Variants in ATP6V0A2 observed in about 807,000 individuals in gnomAD.
ATP6V0A2 encodes V-type proton ATPase 116 kDa subunit a 2.
In ATP6V0A2, 58 loss-of-function variants were observed where a neutral mutation model predicts 104.4. That is an observed-to-expected ratio of 0.56 (90% CI 0.45 to 0.69). The LOEUF is 0.69. ATP6V0A2 is among the 30% of genes least tolerant of loss of function. The pLI is 0.00. For synonymous variants in ATP6V0A2, 376 were observed against 397.9 expected, an observed-to-expected ratio of 0.95 and a Z score of 0.65; for missense variants, 938 against 1,062.9, an observed-to-expected ratio of 0.88 and a Z score of 1.63.
intron 2 of ATP6V0A2, among the ~76,000 whole-genome samples, chr12:123,720,472 G>A (rs1956388738): frequency 6.6e-6 from 1 of 152,228 alleles, no homozygotes; most frequent in Non-Finnish European, 1.5e-5. Context: ...CAAGGTGGGA[G>A]GATCACTTGA....
chr12:123,714,447 G>A (rs1956320965), intron 1 of ATP6V0A2, among the ~76,000 whole-genome samples: 1 of 152,188 alleles, frequency 6.6e-6, no homozygotes, highest in African/African-American at 2.4e-5. Context: ...AGGGGGGCAG[G>A]TGGTGACTTC....
rs868004152 is a variant in ATP6V0A2, at chr12:123,748,621, C to G, written c.1771C>G (p.Leu591Val). 6.2e-7 allele frequency: 1 copy of G among 1,614,136 alleles called. No homozygotes were observed. The change falls in exon 15 of 20, where the codon CTT becomes GTT. Residue 591 changes from leucine to valine, a missense_variant. Leu to Val is a conservative substitution (Grantham distance 32). Coordinates refer to ENST00000330342, the MANE Select transcript of ATP6V0A2 (RefSeq NM_012463.4). ...CATTTACCTGGTTTCCATCCCGGAA[C>G]TTCTCTTCATGCTCTGTATCTTTGG... ...FNIYLVSIPE[L>V]LFMLCIFGYL...
In ATP6V0A2 at chr12:123,751,239, G is replaced by T. The variant is rs756851792; in HGVS notation, c.2055+10G>T. ...CTTCGGGGTGAACCGGGTAAGTGCG[G>T]GTTTGGATGCATTTACAACTGTGAG... On this transcript the variant is annotated intron_variant, in intron 16 of 19. Coordinates refer to ENST00000330342, the MANE Select transcript of ATP6V0A2 (RefSeq NM_012463.4). 2 of 1,614,134 alleles carry T rather than the reference G, an allele frequency of 1.2e-6. No homozygotes were observed. Among genetic ancestry groups the T allele is most frequent in the South Asian group, 2.2e-5 (2 of 91,084 alleles).
chr12:123,732,777 C>T (rs1172247159), intron 6 of ATP6V0A2: 1 of 129,512 alleles, frequency 7.7e-6, no homozygotes, highest in Non-Finnish European at 1.6e-5. Context: ...GTCTCCTCAT[C>T]CTGCGTCTGT....
chr12:123,751,379 G>T (rs750062818), intron 16 of ATP6V0A2, 150 bp downstream of exon 16: 5 of 1,283,918 alleles, frequency 3.9e-6, no homozygotes, highest in Non-Finnish European at 5.5e-6. Flanking sequence ...TGTTGGCTGG[G>T]TGTGGTGGCT....
chr12:123,743,664 A>C lies in ATP6V0A2; in HGVS notation c.1039-121A>C, dbSNP rs890427570. On this transcript the variant is annotated intron_variant, in intron 9 of 19. Transcript: ENST00000330342. ...GTGAAACTCCGTCTCAAAAAAAAAC[A>C]AAACAAAACAACACCACCAAAAAAA... 45 of 1,198,868 alleles carry C rather than the reference A, an allele frequency of 3.8e-5. No homozygotes were observed. In the African/African-American group the frequency reaches 6.3e-4, roughly 17 times the overall value. 74.3% of individuals were successfully genotyped at this position (1,198,868 alleles called of 1,614,324 possible). A position where few individuals can be genotyped will look rare whatever the true frequency, so the allele number is the denominator to read the frequency against.
intron 3 of ATP6V0A2, among the ~76,000 whole-genome samples, 176 bp downstream of exon 3, chr12:123,722,624 TC>T (rs1314610905): frequency 6.6e-6 from 1 of 152,216 alleles, no homozygotes; most frequent in East Asian, 1.9e-4. Context: ...TAATAGATTA[TC>T]TGTGTTAAAT....
chr12:123,712,528 C>T lies in ATP6V0A2; in HGVS notation c.-38C>T. On this transcript the variant is annotated 5_prime_UTR_variant, in exon 1 of 20. Transcript: ENST00000330342. ...GGGCCCGCGCGGCTCGGAGCCGCCG[C>T]CGCCCATCGAGCCCCTCCGGGCGCG... The T allele has an allele frequency of 2.7e-6, 4 of 1,492,710 alleles. No individual in the cohort carries two copies. The East Asian group carries it at 7.6e-5, about 28-fold the overall frequency. The allele number at this position is 1,492,710 out of a possible 1,614,324, so 92.5% of individuals were successfully genotyped here.
At chr12:123,727,221 T>C (rs1956455967) in intron 5 of ATP6V0A2, among the ~76,000 whole-genome samples, 1 of 152,116 alleles carries the variant, frequency 6.6e-6, no homozygotes, top group Admixed American at 6.6e-5. Flanking sequence ...GTTCTTAAGA[T>C]ACGGGGTTCA....
chr12:123,735,391 AG>A, intron 7 of ATP6V0A2, 139 bp from the exon 8 acceptor site: 1 of 747,802 alleles, frequency 1.3e-6, no homozygotes, highest in South Asian at 1.4e-5. Context: ...AGCCCGACCA[AG>A]GGCAGATGAC....
In ATP6V0A2 at chr12:123,744,296, G is replaced by A. The variant is rs1388974969; in HGVS notation, c.1285G>A (p.Val429Met). ...GATGTTTTTATTTGCCCTCTTGTTG[G>A]TGTTAAATGAAAATCATCCCAGACT... is the stretch of plus-strand genomic sequence containing the variant. ...FVMFLFALLL[V>M]LNENHPRLNQ... The change falls in exon 11 of 20, where the codon GTG (valine) becomes ATG (methionine). Residue 429 changes from valine (V) to methionine (M), a missense_variant. Coordinates refer to ENST00000330342, the MANE Select transcript of ATP6V0A2 (RefSeq NM_012463.4). The surrounding 1 kb of genome is among the most constrained non-coding windows in gnomAD (Gnocchi z 5.4). 6.2e-7 allele frequency: 1 copy of A among 1,613,986 alleles called. No homozygotes were observed. Among genetic ancestry groups the A allele is most frequent in the Admixed American group, 1.7e-5 (1 of 59,994 alleles).
chr12:123,726,305 G>A lies in ATP6V0A2; in HGVS notation c.521+20G>A. The stretch of plus-strand genomic sequence containing the variant: ...ACTGGGGTAGGTGACAAGGCCTGGG[G>A]TGTCAGGCTTCATACTGCCCTTCTT... On this transcript the variant is annotated intron_variant, in intron 5 of 19. Transcript: ENST00000330342. 7 of 1,579,458 alleles carry A rather than the reference G, an allele frequency of 4.4e-6. No homozygotes were observed. Among genetic ancestry groups the A allele is most frequent in the Non-Finnish European group, 6.1e-6 (7 of 1,148,504 alleles).
chr12:123,761,244 C>T lies in ATP6V0A2; in HGVS notation c.*3212C>T, dbSNP rs1426396081. On this transcript the variant is annotated 3_prime_UTR_variant, in exon 20 of 20. Transcript: ENST00000330342. ...TTAATAAGGCACAGAATACCTGTAG[C>T]ATAGGTCAGCCTTACGATGTCCATG... 1.3e-5 allele frequency: 2 copies of T among 152,334 alleles called. No individual in the cohort carries two copies. The highest frequency in any genetic ancestry group is 2.4e-5 in the African/African-American group (1 of 41,568). The allele number at this position is 152,334 out of a possible 1,614,324, so 9.4% of individuals were successfully genotyped here.
At position 123,744,292 on chromosome 12, in the gene ATP6V0A2, G is replaced by A. The variant is rs1284470006; in HGVS notation, c.1281G>A (p.Leu427=). 1.2e-6 allele frequency: 2 copies of A among 1,614,138 alleles called. No homozygotes were observed. Among genetic ancestry groups the A allele is most frequent in the Non-Finnish European group, 1.7e-6 (2 of 1,180,032 alleles). Residue 427 remains leucine (L), a synonymous_variant, in exon 11 of 20, where the codon TTG becomes TTA. Transcript: ENST00000330342. This position sits in a 1 kb window ranked among gnomAD's most constrained non-coding sequence, Gnocchi z 5.4. ...HGFVMFLFAL[L]LVLNENHPRL... Reference sequence around the variant, plus strand: ...TTGTGATGTTTTTATTTGCCCTCTTGTTGGTGTTAAATGAAAATCATCCCA... The same window carrying A: ...TTGTGATGTTTTTATTTGCCCTCTTATTGGTGTTAAATGAAAATCATCCCA...
chr12:123,751,235 T>C lies in ATP6V0A2; in HGVS notation c.2055+6T>C, dbSNP rs1956711239. The stretch of plus-strand genomic sequence containing the variant: ...GTTGCTTCGGGGTGAACCGGGTAAG[T>C]GCGGGTTTGGATGCATTTACAACTG... On this transcript the variant is annotated splice_donor_region_variant and intron_variant, in intron 16 of 19. Coordinates refer to ENST00000330342, the MANE Select transcript of ATP6V0A2 (RefSeq NM_012463.4). 1 of 1,614,164 alleles carries C rather than the reference T, an allele frequency of 6.2e-7. No individual in the cohort carries two copies. The highest frequency in any genetic ancestry group is 8.5e-7 in the Non-Finnish European group (1 of 1,180,022).
chr12:123,754,320 C>A, intron 17 of ATP6V0A2, 100 bp from the exon 18 acceptor site: 1 of 915,054 alleles, frequency 1.1e-6, no homozygotes, highest in Non-Finnish European at 1.8e-6. Flanking sequence ...ATCCAGCCGG[C>A]AGCTCTTTCA....
chr12:123,727,708 C>G, intron 5 of ATP6V0A2, 75 bp from the exon 6 acceptor site: 1 of 1,573,582 alleles, frequency 6.4e-7, no homozygotes, highest in Non-Finnish European at 8.7e-7. Flanking sequence ...GAAATGAAGT[C>G]TTCATCATTC....
chr12:123,718,415 G>A (rs1444030642), intron 1 of ATP6V0A2, among the ~76,000 whole-genome samples: 6 of 152,026 alleles, frequency 3.9e-5, no homozygotes, highest in Admixed American at 3.3e-4. Flanking sequence ...AGCAGGGTTG[G>A]GGTTTCACCG....
chr12:123,714,344 T>C (rs1956320322), intron 1 of ATP6V0A2, among the ~76,000 whole-genome samples: 1 of 152,210 alleles, frequency 6.6e-6, no homozygotes, highest in Non-Finnish European at 1.5e-5. Context: ...AGCTCTTGTG[T>C]GGTGCTAGGT....
Sources: allele counts gnomAD v4.1 joint callset (sites outside exome capture counted in the v4.1 genomes callset), GRCh38; gene constraint gnomAD v4.1.1; non-coding constraint Gnocchi (gnomAD v3.1); transcripts MANE v1.5; gene names NCBI Gene and HGNC (gene_info 2026-07-23, HGNC 2026-07-21).